PCDHB16: variants seen among roughly 807,000 people sequenced by gnomAD.
The protein encoded by PCDHB16 is protocadherin beta 16, also known as protocadherin beta-16.
For synonymous variants in PCDHB16, 444 were observed against 436.5 expected (o/e 1.02, Z -0.21); for missense variants, 1,026 against 989.9 (o/e 1.04, Z -0.49).
rs1360139142 is a variant in PCDHB16 at position 141,183,535 on chromosome 5, G to T, written c.976G>T (p.Gly326Cys). The change falls in exon 1 of 1, where the codon GGT becomes TGT. Residue 326 changes from glycine (G) to cysteine (C), a missense_variant. Physicochemically the swap from Gly to Cys is radical, Grantham distance 159. Coordinates refer to ENST00000609684, the MANE Select transcript of PCDHB16 (RefSeq NM_020957.4). ...EVRIKATDGG[G>C]LSGKCTLLLQ... ...GCGCATCAAAGCCACAGATGGGGGA[G>T]GTCTTTCAGGAAAGTGCACTCTTCT... 1.9e-6 allele frequency: 3 copies of T among 1,614,058 alleles called. No individual in the cohort carries two copies. Among genetic ancestry groups the T allele is most frequent in the Non-Finnish European group, 2.5e-6 (3 of 1,180,040 alleles).
In PCDHB16 at chr5:141,183,676, C is replaced by A. The variant is rs369972586; in HGVS notation, c.1117C>A (p.Pro373Thr). Residue 373 changes from proline (P) to threonine (T), a missense_variant, in exon 1 of 1, where the codon CCT becomes ACT. Pro to Thr is a conservative substitution (Grantham distance 38). Coordinates refer to ENST00000609684, the MANE Select transcript of PCDHB16 (RefSeq NM_020957.4). ...AGTTGCTGTTTTCAGCGTTTCAGAT[C>A]CTGACTCCGGAAACAATGGGAAGAC... ...IVVAVFSVSD[P>T]DSGNNGKTIS... 6.2e-7 allele frequency: 1 copy of A among 1,614,198 alleles called. No individual in the cohort carries two copies. The highest frequency in any genetic ancestry group is 1.1e-5 in the South Asian group (1 of 91,080).
rs1187289199 is a variant in PCDHB16 at position 141,185,519 on chromosome 5, T to C, written c.*629T>C. 1 of 331,726 alleles carries C rather than the reference T, an allele frequency of 3.0e-6. No homozygotes were observed. Among genetic ancestry groups the C allele is most frequent in the Non-Finnish European group, 4.3e-6 (1 of 231,918 alleles). 20.5% of individuals were successfully genotyped at this position (331,726 alleles called of 1,614,324 possible). A position where few individuals can be genotyped will look rare whatever the true frequency, so the allele number is the denominator to read the frequency against. On this transcript the variant is annotated 3_prime_UTR_variant, in exon 1 of 1. Coordinates refer to ENST00000609684, the MANE Select transcript of PCDHB16 (RefSeq NM_020957.4). ...TCTGCCTCCTGGGCCCAACGGATCC[T>C]TCCACCTCAGCCTCCCAAGTAGCTT...
chr5:141,183,292 C>T lies in PCDHB16; in HGVS notation c.733C>T (p.Pro245Ser), dbSNP rs1554282117. Residue 245 changes from proline (P) to serine (S), a missense_variant, in exon 1 of 1, where the codon CCC becomes TCC. Coordinates refer to ENST00000609684, the MANE Select transcript of PCDHB16 (RefSeq NM_020957.4). ...TGATAACGCTCCTGAGTTTGAGCAG[C>T]CCATCTACAAAGTGCAGATTCCAGA... ...INDNAPEFEQ[P>S]IYKVQIPENS... 3 of 1,614,150 alleles carry T rather than the reference C, an allele frequency of 1.9e-6. No individual in the cohort carries two copies. The highest frequency in any genetic ancestry group is 4.5e-5 in the East Asian group (2 of 44,888).
rs1460548402 is a variant in PCDHB16 at position 141,186,033 on chromosome 5, G to A, written c.*1143G>A. The A allele has an allele frequency of 1.0e-6, 1 of 991,792 alleles. No homozygotes were observed. The highest frequency in any genetic ancestry group is 1.2e-6 in the Non-Finnish European group (1 of 822,966). The allele number at this position is 991,792 out of a possible 1,614,324, so 61.4% of individuals were successfully genotyped here. A position where few individuals can be genotyped will look rare whatever the true frequency, so the allele number is the denominator to read the frequency against. On this transcript the variant is annotated 3_prime_UTR_variant, in exon 1 of 1. Transcript: ENST00000609684. Reference sequence around the variant, plus strand: ...CTAACAACTCAATCTCATTAAGTTGGAAAAAAAACTTATCAAAGAGACATT... The same window carrying A: ...CTAACAACTCAATCTCATTAAGTTGAAAAAAAAACTTATCAAAGAGACATT...
chr5:141,183,760 T>C lies in PCDHB16; in HGVS notation c.1201T>C (p.Tyr401His), dbSNP rs374296053. The change falls in exon 1 of 1, where the codon TAC (tyrosine) becomes CAC (histidine). Residue 401 changes from tyrosine to histidine, a missense_variant. Transcript: ENST00000609684. ...FLLKPSVKNFYTLVTERALDR... is the reference protein window; with the variant it reads ...FLLKPSVKNFHTLVTERALDR... ...TCTAAAACCTTCAGTCAAGAACTTT[T>C]ACACCTTGGTAACGGAGAGAGCACT... The C allele has an allele frequency of 1.5e-4, 249 of 1,614,176 alleles. 3 individuals are homozygous for C. The South Asian group carries it at 2.6e-3, about 17-fold the overall frequency.
At position 141,182,521 on chromosome 5, in the gene PCDHB16, A is replaced by T. The variant is rs1554281974; in HGVS notation, c.-39A>T. ...ACAGTTCTACTAGGATCCTGGGGAT[A>T]CATGAAGCTTCTGTGAACCAACTTT... On this transcript the variant is annotated 5_prime_UTR_variant, in exon 1 of 1. Transcript: ENST00000609684. 1 of 1,490,984 alleles carries T rather than the reference A, an allele frequency of 6.7e-7. No homozygotes were observed. Among genetic ancestry groups the T allele is most frequent in the East Asian group, 2.3e-5 (1 of 43,860 alleles). 92.4% of individuals were successfully genotyped at this position (1,490,984 alleles called of 1,614,324 possible). A position where few individuals can be genotyped will look rare whatever the true frequency, so the allele number is the denominator to read the frequency against.
rs1753629178 is a variant in PCDHB16, at chr5:141,183,673, G to A, written c.1114G>A (p.Asp372Asn). The change falls in exon 1 of 1, where the codon GAT (aspartate) becomes AAT (asparagine). Residue 372 changes from aspartate to asparagine, a missense_variant. Coordinates refer to ENST00000609684, the MANE Select transcript of PCDHB16 (RefSeq NM_020957.4). ...EIVVAVFSVS[D>N]PDSGNNGKTI... The stretch of plus-strand genomic sequence containing the variant: ...AGTAGTTGCTGTTTTCAGCGTTTCA[G>A]ATCCTGACTCCGGAAACAATGGGAA... The A allele has an allele frequency of 6.2e-7, 1 of 1,614,056 alleles. No homozygotes were observed. The highest frequency in any genetic ancestry group is 1.1e-5 in the South Asian group (1 of 91,086).
In PCDHB16 at chr5:141,185,313, T is replaced by C. The variant is rs1753696760; in HGVS notation, c.*423T>C. ...GCATATTTCCTATGTTACATTTCTT[T>C]TGTCTATTTTCCTTTCAAAATTGGT... On this transcript the variant is annotated 3_prime_UTR_variant, in exon 1 of 1. Transcript: ENST00000609684. 2 of 906,158 alleles carry C rather than the reference T, an allele frequency of 2.2e-6. No individual in the cohort carries two copies. Among genetic ancestry groups the C allele is most frequent in the Admixed American group, 6.1e-5 (1 of 16,434 alleles). 56.1% of individuals were successfully genotyped at this position (906,158 alleles called of 1,614,324 possible).
rs1291792620 is a variant in PCDHB16 at position 141,183,988 on chromosome 5, G to C, written c.1429G>C (p.Asp477His). 1 of 1,611,148 alleles carries C rather than the reference G, an allele frequency of 6.2e-7. No homozygotes were observed. Among genetic ancestry groups the C allele is most frequent in the African/African-American group, 1.3e-5 (1 of 74,410 alleles). ...GCACATCGGCAGCGTCAGCGCCACA[G>C]ACAGAGACTCGGGCACCAACGCCCA... Reference protein sequence around the residue: ...ALHIGSVSATDRDSGTNAQVT... With the variant: ...ALHIGSVSATHRDSGTNAQVT... Residue 477 changes from aspartate (D) to histidine (H), a missense_variant, in exon 1 of 1, where the codon GAC (aspartate) becomes CAC (histidine). Physicochemically the swap from Asp to His is moderately conservative, Grantham distance 81 (BLOSUM62 -1). Coordinates refer to ENST00000609684, the MANE Select transcript of PCDHB16 (RefSeq NM_020957.4).
rs782366605 is a variant in PCDHB16 at position 141,182,542 on chromosome 5, A to C, written c.-18A>C. 8.7e-5 allele frequency: 131 copies of C among 1,510,226 alleles called. No individual in the cohort carries two copies. The highest frequency in any genetic ancestry group is 1.1e-4 in the Non-Finnish European group (121 of 1,130,390). The allele number at this position is 1,510,226 out of a possible 1,614,324, so 93.6% of individuals were successfully genotyped here. The stretch of plus-strand genomic sequence containing the variant: ...GGATACATGAAGCTTCTGTGAACCA[A>C]CTTTTCAAGAAAAAGCAATGGAGAT... On this transcript the variant is annotated 5_prime_UTR_variant, in exon 1 of 1. Transcript: ENST00000609684.
In PCDHB16 at chr5:141,185,412, T is replaced by A. The variant is rs1375452899; in HGVS notation, c.*522T>A. 1.3e-5 allele frequency: 10 copies of A among 770,442 alleles called. No homozygotes were observed. The highest frequency in any genetic ancestry group is 6.3e-5 in the Admixed American group (1 of 15,958). 47.7% of individuals were successfully genotyped at this position (770,442 alleles called of 1,614,324 possible). ...TTCTTTCTTTTCTTTTCTTTCTTTT[T>A]TTTTTTTTCCTTTTTGAGACAGGGT... On this transcript the variant is annotated 3_prime_UTR_variant, in exon 1 of 1. Coordinates refer to ENST00000609684, the MANE Select transcript of PCDHB16 (RefSeq NM_020957.4).
chr5:141,183,604 A>G lies in PCDHB16; in HGVS notation c.1045A>G (p.Met349Val). 2.5e-6 allele frequency: 4 copies of G among 1,614,076 alleles called. No individual in the cohort carries two copies. Among genetic ancestry groups the G allele is most frequent in the Non-Finnish European group, 2.5e-6 (3 of 1,180,010 alleles). The change falls in exon 1 of 1, where the codon ATG (methionine) becomes GTG (valine). Residue 349 changes from methionine to valine, a missense_variant. Transcript: ENST00000609684. ...DVNDNPPQVTMSALTSPIPEN... is the reference protein window; with the variant it reads ...DVNDNPPQVTVSALTSPIPEN... ...GAATGACAATCCCCCACAGGTGACC[A>G]TGTCTGCACTCACCAGCCCCATCCC... is the stretch of plus-strand genomic sequence containing the variant.
rs782061912 is a variant in PCDHB16, at chr5:141,183,796, G to C, written c.1237G>C (p.Ala413Pro). ...LVTERALDRE[A>P]RAEYNITLTV... ...AACGGAGAGAGCACTCGACAGAGAA[G>C]CAAGAGCTGAATATAATATCACCCT... Residue 413 changes from alanine (A) to proline (P), a missense_variant, in exon 1 of 1, where the codon GCA becomes CCA. By Grantham distance (27) the Ala-to-Pro change is conservative (BLOSUM62 -1). Transcript: ENST00000609684. 1.2e-6 allele frequency: 2 copies of C among 1,614,046 alleles called. No individual in the cohort carries two copies. The highest frequency in any genetic ancestry group is 2.7e-5 in the African/African-American group (2 of 74,930).
In PCDHB16 at chr5:141,183,810, T is replaced by C. The variant is rs115003049; in HGVS notation, c.1251T>C (p.Tyr417=). The C allele has an allele frequency of 5.8e-3, 9,304 of 1,614,196 alleles. 32 individuals carry two copies. Among genetic ancestry groups the C allele is most frequent in the Non-Finnish European group, 7.4e-3 (8,682 of 1,180,028 alleles). ...TCGACAGAGAAGCAAGAGCTGAATA[T>C]AATATCACCCTCACCGTCACAGATA... is the stretch of plus-strand genomic sequence containing the variant. ...RALDREARAE[Y]NITLTVTDMG... The change falls in exon 1 of 1, where the codon TAT becomes TAC. Residue 417 remains tyrosine (Y), a synonymous_variant. Transcript: ENST00000609684.
rs951460721 is a variant in PCDHB16, at chr5:141,185,695, G to T, written c.*805G>T. 3 of 994,654 alleles carry T rather than the reference G, an allele frequency of 3.0e-6. No homozygotes were observed. Among genetic ancestry groups the T allele is most frequent in the Middle Eastern group, 5.2e-4 (1 of 1,928 alleles). The allele number at this position is 994,654 out of a possible 1,614,324, so 61.6% of individuals were successfully genotyped here. ...TGGGATTACAGGCATAAGCCAATGT[G>T]CCCATCCAAAGTTTTATTTATTTAT... On this transcript the variant is annotated 3_prime_UTR_variant, in exon 1 of 1. Transcript: ENST00000609684.
chr5:141,182,575 A>C lies in PCDHB16; in HGVS notation c.16A>C (p.Met6Leu). The C allele has an allele frequency of 6.6e-7, 1 of 1,521,204 alleles. No homozygotes were observed. Among genetic ancestry groups the C allele is most frequent in the Non-Finnish European group, 8.8e-7 (1 of 1,136,566 alleles). 94.2% of individuals were successfully genotyped at this position (1,521,204 alleles called of 1,614,324 possible). A position where few individuals can be genotyped will look rare whatever the true frequency, so the allele number is the denominator to read the frequency against. Residue 6 changes from methionine (M) to leucine (L), a missense_variant, in exon 1 of 1, where the codon ATG (methionine) becomes CTG (leucine). By Grantham distance (15) the Met-to-Leu change is conservative. Transcript: ENST00000609684. Reference sequence around the variant, plus strand: ...AGAAAAAGCAATGGAGATTGGATGGATGCACAATCGGAGACAAAGGCAAGT... The same window carrying C: ...AGAAAAAGCAATGGAGATTGGATGGCTGCACAATCGGAGACAAAGGCAAGT... Reference protein sequence around the residue: MEIGWMHNRRQRQVLV... With the variant: MEIGWLHNRRQRQVLV...
rs1360139142 is a variant in PCDHB16, at chr5:141,183,535, G to A, written c.976G>A (p.Gly326Ser). The part of the protein sequence containing the change: ...EVRIKATDGG[G>S]LSGKCTLLLQ... ...GCGCATCAAAGCCACAGATGGGGGA[G>A]GTCTTTCAGGAAAGTGCACTCTTCT... is the stretch of plus-strand genomic sequence containing the variant. The change falls in exon 1 of 1, where the codon GGT becomes AGT. Residue 326 changes from glycine (G) to serine (S), a missense_variant. Transcript: ENST00000609684. The A allele has an allele frequency of 6.2e-7, 1 of 1,614,058 alleles. No homozygotes were observed. Among genetic ancestry groups the A allele is most frequent in the African/African-American group, 1.3e-5 (1 of 74,920 alleles).
At position 141,184,025 on chromosome 5, in the gene PCDHB16, C is replaced by T. The variant is rs781958254; in HGVS notation, c.1466C>T (p.Ser489Leu). The change falls in exon 1 of 1, where the codon TCG (serine) becomes TTG (leucine). Residue 489 changes from serine (S) to leucine (L), a missense_variant. Ser to Leu is a moderately radical substitution (Grantham distance 145, BLOSUM62 -2). Transcript: ENST00000609684. ...GGCACCAACGCCCAGGTCACCTACTCGCTGCTGCCGCCCCAAGACCCGCAC... is the reference window on the plus strand; with the variant it reads ...GGCACCAACGCCCAGGTCACCTACTTGCTGCTGCCGCCCCAAGACCCGCAC... Reference protein sequence around the residue: ...DSGTNAQVTYSLLPPQDPHLP... With the variant: ...DSGTNAQVTYLLLPPQDPHLP... 8.1e-6 allele frequency: 13 copies of T among 1,605,200 alleles called. No homozygotes were observed. Among genetic ancestry groups the T allele is most frequent in the South Asian group, 3.3e-5 (3 of 90,542 alleles).
At position 141,186,150 on chromosome 5, in the gene PCDHB16, T is replaced by C. The variant is rs935021093; in HGVS notation, c.*1260T>C. On this transcript the variant is annotated 3_prime_UTR_variant, in exon 1 of 1. Transcript: ENST00000609684. ...TATCCCTATGTTTAATCTGTATTTC[T>C]TGCTTATTATATGTAAAGTTGAGCT... The C allele has an allele frequency of 1.8e-5, 18 of 995,520 alleles. No individual in the cohort carries two copies. Among genetic ancestry groups the C allele is most frequent in the Non-Finnish European group, 2.1e-5 (17 of 825,872 alleles). 61.7% of individuals were successfully genotyped at this position (995,520 alleles called of 1,614,324 possible).
Sources: allele counts gnomAD v4.1 joint callset, GRCh38; gene constraint gnomAD v4.1.1; transcripts MANE v1.5; gene names NCBI Gene and HGNC (gene_info 2026-07-23, HGNC 2026-07-21).